DLG2: variants seen among roughly 807,000 people sequenced by gnomAD.
DLG2 encodes discs large MAGUK scaffold protein 2, also known as disks large homolog 2.
A neutral mutation model predicts 132.5 loss-of-function variants in DLG2; 45 were observed. The observed-to-expected ratio is 0.34, with a 90% CI of 0.27 to 0.44. The LOEUF (loss-of-function observed/expected upper bound fraction) is 0.44, where lower values mean the gene tolerates loss of function less well. Ranked by LOEUF, DLG2 falls within the 20% of genes least tolerant of loss-of-function variation. The probability of loss-of-function intolerance (pLI) is 1.00; values close to 1 mark genes in which losing one functional copy is unlikely to be tolerated. For synonymous variants in DLG2, 424 were observed against 419.6 expected (o/e 1.01, Z -0.13); for missense variants, 1,045 against 1,196.9 (o/e 0.87, Z 1.87).
intron 19 of DLG2, among the ~76,000 whole-genome samples, chr11:83,595,178 A>G (rs769557932): frequency 3.3e-5 from 5 of 152,212 alleles, no homozygotes; most frequent in Non-Finnish European, 7.4e-5. Flanking sequence ...AAATGTAAAT[A>G]AAATGTGAGG....
chr11:85,252,558 C>T (rs1361203100), intron 4 of DLG2, among the ~76,000 whole-genome samples: 1 of 151,974 alleles, frequency 6.6e-6, no homozygotes, highest in African/African-American at 2.4e-5. Flanking sequence ...TGCACTCCAA[C>T]CTGGGCAACA....
At chr11:85,556,061 CT>C (rs1164783181) in intron 3 of DLG2, among the ~76,000 whole-genome samples, 2 of 151,310 alleles carry the variant, frequency 1.3e-5, no homozygotes, top group Non-Finnish European at 3.0e-5. Context: ...TAAACCTTCA[CT>C]GAGCATGGAA....
At chr11:84,354,780 A>G (rs1398416913) in intron 7 of DLG2, among the ~76,000 whole-genome samples, 1 of 152,120 alleles carries the variant, frequency 6.6e-6, no homozygotes, top group Non-Finnish European at 1.5e-5. Flanking sequence ...TTTGAGTCAA[A>G]TGCGGTTTGA....
chr11:84,416,864 A>G (rs1340474389), intron 7 of DLG2, among the ~76,000 whole-genome samples: 1 of 152,218 alleles, frequency 6.6e-6, no homozygotes, highest in Non-Finnish European at 1.5e-5. Context: ...AAATAACAGA[A>G]ATAATGGAAT....
chr11:84,968,540 T>A (rs892662090), intron 6 of DLG2, among the ~76,000 whole-genome samples: 1 of 152,204 alleles, frequency 6.6e-6, no homozygotes, highest in African/African-American at 2.4e-5. Context: ...AATGGTATTA[T>A]AAAAATTTTT....
chr11:85,299,245 T>G lies in DLG2; in HGVS notation c.41-13880A>C, dbSNP rs192332643. Among the ~76,000 whole-genome samples the G allele has an allele frequency of 2.5e-4, 38 of 152,272 alleles. No individual in the cohort carries two copies. In the East Asian group the frequency reaches 4.6e-3, roughly 19 times the overall value. ...GAGAGAGGTTGAGATGTTTGCCCAG[T>G]TTGCTTAATTTATAACTGGCAGAGC... On this transcript the variant is annotated intron_variant, in intron 3 of 27. Transcript: ENST00000376104.
intron 26 of DLG2, among the ~76,000 whole-genome samples, chr11:83,464,640 A>G (rs1021133404): frequency 6.6e-6 from 1 of 152,200 alleles, no homozygotes; most frequent in Non-Finnish European, 1.5e-5. Context: ...TGGCTGTGAC[A>G]GTGCCCTAAG....
At chr11:83,666,413 T>C (rs2075585303) in intron 18 of DLG2, among the ~76,000 whole-genome samples, 1 of 152,176 alleles carries the variant, frequency 6.6e-6, no homozygotes, top group South Asian at 2.1e-4. Flanking sequence ...TGTGGTTTCA[T>C]TAGATTCTCA....
intron 18 of DLG2, among the ~76,000 whole-genome samples, chr11:83,683,851 A>G (rs1592381170): frequency 6.6e-6 from 1 of 152,028 alleles, no homozygotes; most frequent in Non-Finnish European, 1.5e-5. Context: ...GAGACCTAAC[A>G]TCTCTCTACC....
At chr11:83,873,638 G>A (rs1466478323) in intron 16 of DLG2, among the ~76,000 whole-genome samples, 2 of 152,138 alleles carry the variant, frequency 1.3e-5, no homozygotes, top group Non-Finnish European at 2.9e-5. Context: ...TCAGCATCGT[G>A]AAAATGGACT....
At chr11:84,537,540 T>C (rs191337144) in intron 6 of DLG2, among the ~76,000 whole-genome samples, 146 of 152,386 alleles carry the variant, frequency 9.6e-4, no homozygotes, top group African/African-American at 3.4e-3. Context: ...ATTTTAACCA[T>C]TTTTAAGTAT....
chr11:84,570,251 T>A (rs78232443), intron 6 of DLG2, among the ~76,000 whole-genome samples: 5 of 152,156 alleles, frequency 3.3e-5, no homozygotes, highest in Non-Finnish European at 7.3e-5. Flanking sequence ...ATTGATTGTG[T>A]TGTCCTCTGC....
At chr11:83,799,248 G>A (rs1414290639) in intron 17 of DLG2, among the ~76,000 whole-genome samples, 1 of 152,202 alleles carries the variant, frequency 6.6e-6, no homozygotes, top group African/African-American at 2.4e-5. Flanking sequence ...AAAAAATGCT[G>A]CCAGCAGAAG....
intron 6 of DLG2, among the ~76,000 whole-genome samples, chr11:84,875,369 C>A (rs2154048772): frequency 6.6e-6 from 1 of 152,064 alleles, no homozygotes; most frequent in Middle Eastern, 3.4e-3. Context: ...ATTATCCCAC[C>A]TTGGGAGAAT....
intron 18 of DLG2, chr11:83,725,209 T>A (rs1033840171): frequency 1.5e-4 from 44 of 294,782 alleles, no homozygotes; most frequent in South Asian, 1.9e-4. Context: ...GGCTTAGTCC[T>A]GGAAAAGTCG....
intron 18 of DLG2, among the ~76,000 whole-genome samples, chr11:83,639,693 C>A (rs1391791011): frequency 6.6e-6 from 1 of 150,596 alleles, no homozygotes; most frequent in African/African-American, 2.5e-5. Context: ...ACCAACATGG[C>A]ACATGTATAC....
At chr11:85,196,278 G>A (rs1391681157) in intron 4 of DLG2, among the ~76,000 whole-genome samples, 2 of 152,138 alleles carry the variant, frequency 1.3e-5, no homozygotes, top group Non-Finnish European at 2.9e-5. Flanking sequence ...ATTTCCAATT[G>A]GATGTGAATA....
intron 6 of DLG2, among the ~76,000 whole-genome samples, chr11:84,994,162 A>C (rs2057408998): frequency 1.3e-5 from 2 of 152,200 alleles, no homozygotes; most frequent in Admixed American, 1.3e-4. Context: ...TTTGGGACCA[A>C]ACAATATGTA....
intron 6 of DLG2, among the ~76,000 whole-genome samples, chr11:85,035,976 A>C (rs1193859873): frequency 6.6e-6 from 1 of 152,194 alleles, no homozygotes. Flanking sequence ...GTTGAGAATA[A>C]AAAAGGTTTC....
Sources: allele counts gnomAD v4.1 joint callset (sites outside exome capture counted in the v4.1 genomes callset), GRCh38; gene constraint gnomAD v4.1.1; transcripts MANE v1.5; gene names NCBI Gene and HGNC (gene_info 2026-07-23, HGNC 2026-07-21).